The following SCN10A variants were observed in gnomAD, a reference collection of about 807,000 sequenced individuals.
SCN10A encodes sodium voltage-gated channel alpha subunit 10, also known as sodium channel protein type 10 subunit alpha.
In SCN10A, 162 loss-of-function variants were observed where a neutral mutation model predicts 170.7. The observed-to-expected ratio is 0.95, with a 90% confidence interval of 0.84 to 1.08. SCN10A has a LOEUF of 1.08. Among genes scored for constraint, SCN10A ranks in the 50% least tolerant of loss-of-function variants. The pLI, the probability that SCN10A is intolerant of heterozygous loss-of-function variation, is 0.00. For missense variants in SCN10A, 2,527 were observed against 2,436.9 expected (o/e 1.04, Z -0.78); for synonymous variants, 985 against 904.6 (o/e 1.09, Z -1.59).
rs762119038 is a variant in SCN10A, at chr3:38,728,661, T to A, written c.2521A>T (p.Ile841Phe). The A allele has an allele frequency of 6.2e-7, 1 of 1,614,066 alleles. No homozygotes were observed. The highest frequency in any genetic ancestry group is 2.2e-5 in the East Asian group (1 of 44,880). ...TCTCCACAGAGGATACGGAAGACAA[T>A]GAGGAAAGAGTGGAAGAAGTCGTGC... The part of the protein sequence containing the change: ...HMHDFFHSFL[I>F]VFRILCGEWI... Residue 841 changes from isoleucine to phenylalanine, a missense_variant, in exon 16 of 28, where the codon ATT becomes TTT. Transcript: ENST00000449082.
At chr3:38,730,256 G>A (rs2063501087) in intron 15 of SCN10A, among the ~76,000 whole-genome samples, 1 of 152,168 alleles carries the variant, frequency 6.6e-6, no homozygotes, top group South Asian at 2.1e-4. Context: ...GCTACAGGAG[G>A]AAAATTGACG....
intron 2 of SCN10A, among the ~76,000 whole-genome samples, chr3:38,793,383 C>G (rs189504269): frequency 2.0e-5 from 3 of 152,070 alleles, no homozygotes. Context: ...CTGTCCTCAC[C>G]GCCATGCTCC....
rs1436231667 is a variant in SCN10A, at chr3:38,803,424, G to T, written c.-32-9382C>A. Among the ~76,000 whole-genome samples, 3 of 152,046 alleles carry T rather than the reference G, an allele frequency of 2.0e-5. No homozygotes were observed. The East Asian group carries it at 5.8e-4, about 29-fold the overall frequency. On this transcript the variant is annotated intron_variant, in intron 1 of 27. Coordinates refer to ENST00000449082, the MANE Select transcript of SCN10A (RefSeq NM_006514.4). ...CCAAATGTCCAACAATGATAGACTG[G>T]ATTAAGAAAATGTGGCACATATACA...
At chr3:38,708,419 A>G (rs1430624803) in intron 25 of SCN10A, among the ~76,000 whole-genome samples, 1 of 152,162 alleles carries the variant, frequency 6.6e-6, no homozygotes, top group Non-Finnish European at 1.5e-5. Flanking sequence ...GATTGCTTCA[A>G]TAATCTCAAA....
At chr3:38,731,928 C>A (rs2063516641) in intron 15 of SCN10A, among the ~76,000 whole-genome samples, 1 of 152,242 alleles carries the variant, frequency 6.6e-6, no homozygotes. Flanking sequence ...TGTCTTCTTG[C>A]CAGCCAGCTT....
Position 38,722,333 on chromosome 3 carries a change from A to G in SCN10A, c.3432T>C (p.Thr1144=), listed in dbSNP as rs1575954520. The change falls in exon 20 of 28, where the codon ACT becomes ACC. Residue 1144 remains threonine (T), a synonymous_variant. Transcript: ENST00000449082. ...AGCTGTGCTCCACGATACGGTAGCA[A>G]GTCTTGCGCACCTGCCAGCCCACAT... The part of the protein sequence containing the change: ...PWDVGWQVRK[T]CYRIVEHSWF... 6.2e-7 allele frequency: 1 copy of G among 1,614,120 alleles called. No individual in the cohort carries two copies. Among genetic ancestry groups the G allele is most frequent in the Non-Finnish European group, 8.5e-7 (1 of 1,180,012 alleles).
intron 21 of SCN10A, among the ~76,000 whole-genome samples, chr3:38,717,883 G>A (rs1473146097): frequency 1.3e-5 from 2 of 152,276 alleles, no homozygotes; most frequent in East Asian, 3.8e-4. Flanking sequence ...GACAGTGATA[G>A]TGCAATGTGG....
At chr3:38,815,035 T>G (rs918574120) in intron 1 of SCN10A, among the ~76,000 whole-genome samples, 1 of 152,228 alleles carries the variant, frequency 6.6e-6, no homozygotes, top group African/African-American at 2.4e-5. Context: ...GGCACAAATC[T>G]AATCAGGTAA....
intron 1 of SCN10A, among the ~76,000 whole-genome samples, chr3:38,805,276 T>G (rs1316615815): frequency 6.6e-6 from 1 of 152,122 alleles, no homozygotes; most frequent in African/African-American, 2.4e-5. Flanking sequence ...GAGCTGGTGC[T>G]GAGAAATACT....
In SCN10A at chr3:38,728,870, G is replaced by C. The variant is rs758157003; in HGVS notation, c.2312C>G (p.Pro771Arg). ...GATCTTGATGAGTGTGTTTAAGGTG[G>C]GCCAGGATTTGGCCAGCTTGAATAC... is the stretch of plus-strand genomic sequence containing the variant. ...LRVFKLAKSW[P>R]TLNTLIKIIG... The change falls in exon 16 of 28, where the codon CCC becomes CGC. Residue 771 changes from proline to arginine, a missense_variant. By Grantham distance (103) the Pro-to-Arg change is moderately radical. Coordinates refer to ENST00000449082, the MANE Select transcript of SCN10A (RefSeq NM_006514.4). 6.2e-7 allele frequency: 1 copy of C among 1,612,366 alleles called. No homozygotes were observed. The highest frequency in any genetic ancestry group is 1.3e-5 in the African/African-American group (1 of 74,850).
At chr3:38,785,593 C>T (rs1366073966) in intron 4 of SCN10A, among the ~76,000 whole-genome samples, 5 of 152,162 alleles carry the variant, frequency 3.3e-5, no homozygotes, top group Non-Finnish European at 7.3e-5. Flanking sequence ...ATGACTAACA[C>T]ATCAAAAGCA....
Position 38,718,718 on chromosome 3 carries a change from C to T in SCN10A, c.3616G>A (p.Val1206Met). Reference sequence around the variant, plus strand: ...AAGTACTTTTTGAAGCCATAGGCCACCCACTTAAGCAGCATCTCGAACACA... The same window carrying T: ...AAGTACTTTTTGAAGCCATAGGCCATCCACTTAAGCAGCATCTCGAACACA... Reference protein sequence around the residue: ...IFVFEMLLKWVAYGFKKYFTN... With the variant: ...IFVFEMLLKWMAYGFKKYFTN... The change falls in exon 21 of 28, where the codon GTG (valine) becomes ATG (methionine). Residue 1206 changes from valine to methionine, a missense_variant. Coordinates refer to ENST00000449082, the MANE Select transcript of SCN10A (RefSeq NM_006514.4). 1.2e-6 allele frequency: 2 copies of T among 1,614,208 alleles called. No homozygotes were observed. Among genetic ancestry groups the T allele is most frequent in the Non-Finnish European group, 8.5e-7 (1 of 1,180,032 alleles).
At chr3:38,777,444 G>T (rs1048371955) in intron 4 of SCN10A, among the ~76,000 whole-genome samples, 3 of 152,016 alleles carry the variant, frequency 2.0e-5, no homozygotes, top group African/African-American at 7.2e-5. Context: ...AAATATTAAA[G>T]AAGACCTGTA....
At position 38,722,317 on chromosome 3, in the gene SCN10A, C is replaced by G. The variant is rs746361329; in HGVS notation, c.3448G>C (p.Glu1150Gln). 6.2e-7 allele frequency: 1 copy of G among 1,614,078 alleles called. No individual in the cohort carries two copies. Among genetic ancestry groups the G allele is most frequent in the Non-Finnish European group, 8.5e-7 (1 of 1,180,000 alleles). Residue 1150 changes from glutamate to glutamine, a missense_variant, in exon 20 of 28, where the codon GAG becomes CAG. Coordinates refer to ENST00000449082, the MANE Select transcript of SCN10A (RefSeq NM_006514.4). ...QVRKTCYRIV[E>Q]HSWFESFIIF... ...ATGAAGCTCTCAAACCAGCTGTGCT[C>G]CACGATACGGTAGCAAGTCTTGCGC...
intron 19 of SCN10A, 24 bp downstream of exon 19, chr3:38,723,406 G>A (rs770320994): frequency 4.3e-5 from 70 of 1,613,452 alleles, no homozygotes; most frequent in Non-Finnish European, 5.8e-5. Flanking sequence ...ATCAGTGTGA[G>A]GGGGCCTGTG....
rs201041635 is a variant in SCN10A at position 38,755,992 on chromosome 3, T to C, written c.1291-34A>G. 7.8e-5 allele frequency: 126 copies of C among 1,613,300 alleles called. No individual in the cohort carries two copies. In the African/African-American group the frequency reaches 1.5e-3, roughly 19 times the overall value. On this transcript the variant is annotated intron_variant, in intron 10 of 27. Coordinates refer to ENST00000449082, the MANE Select transcript of SCN10A (RefSeq NM_006514.4). The stretch of plus-strand genomic sequence containing the variant: ...AGAGAACAGCAGGTGTAGCCAATAG[T>C]ATTTGCTTGGACTTAGCATGAATGT...
Position 38,793,610 on chromosome 3 carries a change from T to A in SCN10A, c.270+131A>T, listed in dbSNP as rs765157924. The A allele has an allele frequency of 4.5e-5, 34 of 749,952 alleles. No homozygotes were observed. In the African/African-American group the frequency reaches 4.7e-4, roughly 10 times the overall value. 46.5% of individuals were successfully genotyped at this position (749,952 alleles called of 1,614,324 possible). A position where few individuals can be genotyped will look rare whatever the true frequency, so the allele number is the denominator to read the frequency against. The stretch of plus-strand genomic sequence containing the variant: ...AAGTTAGAGATATATATATATATTT[T>A]TTTTGGTTGTTAACGGAATCTTTAG... On this transcript the variant is annotated intron_variant, in intron 2 of 27. Coordinates refer to ENST00000449082, the MANE Select transcript of SCN10A (RefSeq NM_006514.4).
chr3:38,777,215 A>C (rs1406246128), intron 4 of SCN10A, among the ~76,000 whole-genome samples: 1 of 152,090 alleles, frequency 6.6e-6, no homozygotes, highest in Non-Finnish European at 1.5e-5. Context: ...ATAAAGGAAG[A>C]AACAAGTTTG....
chr3:38,808,862 G>A lies in SCN10A; in HGVS notation c.-33+7175C>T, dbSNP rs143772847. On this transcript the variant is annotated intron_variant, in intron 1 of 27. Coordinates refer to ENST00000449082, the MANE Select transcript of SCN10A (RefSeq NM_006514.4). ...ATTAAGAAGGAGTCATTGGAATGCAGTGAAAAGAACTATGATTTGTAAATG... is the reference window on the plus strand; with the variant it reads ...ATTAAGAAGGAGTCATTGGAATGCAATGAAAAGAACTATGATTTGTAAATG... 2.4e-4 allele frequency among the ~76,000 whole-genome samples: 36 copies of A among 152,322 alleles called. 1 individual carries two copies. The East Asian group carries it at 4.0e-3, about 17-fold the overall frequency.
Sources: gnomAD v4.1 joint callset for allele counts (sites outside exome capture counted in the v4.1 genomes callset) on GRCh38, gnomAD v4.1.1 for gene constraint, MANE v1.5 for transcripts, NCBI Gene and HGNC (gene_info 2026-07-23, HGNC 2026-07-21) for gene names.